TASP1: variants seen among roughly 807,000 people sequenced by gnomAD.
The protein encoded by TASP1 is threonine aspartase 1.
A neutral mutation model predicts 56.6 loss-of-function variants in TASP1; 16 were observed. The observed-to-expected ratio is 0.28, with a 90% CI of 0.19 to 0.43. The LOEUF (loss-of-function observed/expected upper bound fraction) is 0.43, where lower values mean the gene tolerates loss of function less well. Among genes scored for constraint, TASP1 ranks in the 20% least tolerant of loss-of-function variants. The pLI, the probability that TASP1 is intolerant of heterozygous loss-of-function variation, is 1.00. For synonymous variants in TASP1, 179 were observed against 184.2 expected (o/e 0.97, Z 0.23); for missense variants, 393 against 511.6 (o/e 0.77, Z 2.24).
At chr20:13,473,668 T>C (rs999716012) in intron 11 of TASP1, among the ~76,000 whole-genome samples, 1 of 152,118 alleles carries the variant, frequency 6.6e-6, no homozygotes, top group Admixed American at 6.6e-5. Flanking sequence ...ACCCCAAGAT[T>C]TTCCCTCCTG....
the TASP1 span, among the ~76,000 whole-genome samples, chr20:13,153,206 G>A: frequency 6.6e-6 from 1 of 152,330 alleles, no homozygotes; most frequent in Admixed American, 6.5e-5. Flanking sequence ...GACCCGAGTA[G>A]ACAGGCATCT....
At chr20:13,434,541 G>C (rs1225552296) in intron 12 of TASP1, among the ~76,000 whole-genome samples, 1 of 152,132 alleles carries the variant, frequency 6.6e-6, no homozygotes, top group Non-Finnish European at 1.5e-5. Context: ...GGAGGCCAGG[G>C]CAGATGTCCT....
At chr20:13,443,540 T>A (rs2043296015) in intron 11 of TASP1, among the ~76,000 whole-genome samples, 1 of 152,194 alleles carries the variant, frequency 6.6e-6, no homozygotes, top group Non-Finnish European at 1.5e-5. Context: ...CCTAAGTCTG[T>A]AACTGCTATG....
chr20:13,405,803 G>A (rs953994931), intron 13 of TASP1, among the ~76,000 whole-genome samples: 2 of 150,830 alleles, frequency 1.3e-5, no homozygotes, highest in African/African-American at 2.4e-5. Flanking sequence ...TGATCTGCCC[G>A]CCTCAGCCTC....
At chr20:13,540,904 T>C (rs147570777) in intron 8 of TASP1, among the ~76,000 whole-genome samples, 35 of 150,918 alleles carry the variant, frequency 2.3e-4, no homozygotes, top group African/African-American at 7.7e-4. Flanking sequence ...TCAATAGCAA[T>C]GTACTATCTT....
rs1316839720 is a variant in TASP1 at position 13,406,707 on chromosome 20, C to T, written c.1170+10741G>A. 2.7e-5 allele frequency among the ~76,000 whole-genome samples: 4 copies of T among 149,230 alleles called. No homozygotes were observed. The East Asian group carries it at 5.8e-4, about 22-fold the overall frequency. On this transcript the variant is annotated intron_variant, in intron 13 of 13. Transcript: ENST00000337743. ...TTTTTGAGACAGTCTCACTCTGTCA[C>T]CCAGGCTGGAGTGCAGTGGTGTGAT... is the stretch of plus-strand genomic sequence containing the variant.
the TASP1 span, among the ~76,000 whole-genome samples, chr20:13,312,320 T>C: frequency 6.6e-6 from 1 of 152,200 alleles, no homozygotes; most frequent in Non-Finnish European, 1.5e-5. Context: ...GGCCAGTGTA[T>C]GTGGCCGTGA....
At chr20:13,209,220 A>G in the TASP1 span, among the ~76,000 whole-genome samples, 2 of 152,192 alleles carry the variant, frequency 1.3e-5, no homozygotes, top group African/African-American at 4.8e-5. Flanking sequence ...ATCAAACCAC[A>G]GCTGACCTGC....
chr20:13,589,127 G>A (rs868383825), intron 4 of TASP1, among the ~76,000 whole-genome samples: 16 of 144,040 alleles, frequency 1.1e-4, no homozygotes, highest in East Asian at 8.2e-4. Flanking sequence ...GTGTGATCTC[G>A]GCTCACTGCG....
At chr20:13,542,623 A>G (rs1236517467) in intron 8 of TASP1, among the ~76,000 whole-genome samples, 1 of 152,196 alleles carries the variant, frequency 6.6e-6, no homozygotes, top group Non-Finnish European at 1.5e-5. Flanking sequence ...ACAAATTTCA[A>G]AAAACAATAT....
chr20:13,196,054 T>C, the TASP1 span, among the ~76,000 whole-genome samples: 1 of 152,200 alleles, frequency 6.6e-6, no homozygotes, highest in South Asian at 2.1e-4. Context: ...AAATACACAC[T>C]AGGCCATGAT....
chr20:13,115,602 G>A, the TASP1 span, among the ~76,000 whole-genome samples: 1 of 152,078 alleles, frequency 6.6e-6, no homozygotes, highest in Non-Finnish European at 1.5e-5. Context: ...AGATTTCTGA[G>A]GACCTGCAGC....
chr20:13,469,738 C>T (rs1481570719), intron 11 of TASP1, among the ~76,000 whole-genome samples: 5 of 140,060 alleles, frequency 3.6e-5, no homozygotes, highest in African/African-American at 1.3e-4. Context: ...CTCAATATAA[C>T]ATACAGACGA....
At chr20:13,248,757 C>T in the TASP1 span, among the ~76,000 whole-genome samples, 1 of 152,176 alleles carries the variant, frequency 6.6e-6, no homozygotes, top group Non-Finnish European at 1.5e-5. Flanking sequence ...TTCCCTTGAT[C>T]CCCAGATGTT....
chr20:13,511,168 T>C (rs1398385042), intron 10 of TASP1, among the ~76,000 whole-genome samples: 1 of 151,332 alleles, frequency 6.6e-6, no homozygotes, highest in Non-Finnish European at 1.5e-5. Context: ...AAAGAGTTCC[T>C]CATTCCTAGG....
intron 7 of TASP1, among the ~76,000 whole-genome samples, chr20:13,565,662 A>G (rs1387581293): frequency 6.6e-6 from 1 of 152,216 alleles, no homozygotes; most frequent in African/African-American, 2.4e-5. Flanking sequence ...AGCCATTAGG[A>G]TGCCAACTAT....
the TASP1 span, among the ~76,000 whole-genome samples, chr20:13,356,282 T>A: frequency 0.092 from 14,059 of 152,250 alleles, 757 homozygotes; most frequent in African/African-American, 0.14. Context: ...GGTCTACAGT[T>A]TTCCCAGATT....
chr20:13,136,627 T>C, the TASP1 span, among the ~76,000 whole-genome samples: 2 of 144,826 alleles, frequency 1.4e-5, no homozygotes, highest in Non-Finnish European at 3.0e-5. Flanking sequence ...ATAATATACA[T>C]ATAAAAATTA....
the TASP1 span, among the ~76,000 whole-genome samples, chr20:13,329,129 T>C: frequency 2.0e-5 from 3 of 152,206 alleles, no homozygotes; most frequent in African/African-American, 4.8e-5. Flanking sequence ...ATTTCATTTT[T>C]TGAAGCTATT....
Sources: gnomAD v4.1 joint callset for allele counts (sites outside exome capture counted in the v4.1 genomes callset) on GRCh38, gnomAD v4.1.1 for gene constraint, MANE v1.5 for transcripts, NCBI Gene and HGNC (gene_info 2026-07-23, HGNC 2026-07-21) for gene names.